The following SMYD3 variants were observed in gnomAD, a reference collection of about 807,000 sequenced individuals.
SMYD3 encodes the protein SET and MYND domain containing 3.
Under a neutral mutation model 57.7 loss-of-function variants are expected in SMYD3, and 36 were observed. That is an observed-to-expected ratio of 0.62 (90% confidence interval 0.48 to 0.82). The LOEUF (loss-of-function observed/expected upper bound fraction) is 0.82. SMYD3 is among the 40% of genes least tolerant of loss of function. The pLI is 0.00. For missense variants in SMYD3, 515 were observed against 538.8 expected (o/e 0.96, Z 0.44); for synonymous variants, 211 against 195.0 (o/e 1.08, Z -0.68).
intron 5 of SMYD3, among the ~76,000 whole-genome samples, chr1:246,178,404 CGG>C: frequency 6.6e-6 from 1 of 152,238 alleles, no homozygotes; most frequent in Non-Finnish European, 1.5e-5. Context: ...TCTCCTAGAC[CGG>C]GAGTCATTTA....
chr1:245,871,657 C>T (rs747185561), intron 8 of SMYD3, among the ~76,000 whole-genome samples: 4 of 152,236 alleles, frequency 2.6e-5, no homozygotes, highest in African/African-American at 4.8e-5. Flanking sequence ...TGAATCCCTG[C>T]TGCATATCCC....
At chr1:245,978,739 T>C (rs1424488879) in intron 5 of SMYD3, among the ~76,000 whole-genome samples, 3 of 152,160 alleles carry the variant, frequency 2.0e-5, no homozygotes, top group Non-Finnish European at 4.4e-5. Context: ...TCGTCAGCAA[T>C]GCTACCTGTG....
chr1:246,269,556 G>GTTTTTTTTTTTTTTTT (rs2064179641), intron 5 of SMYD3, among the ~76,000 whole-genome samples: 2 of 107,468 alleles, frequency 1.9e-5, no homozygotes, highest in South Asian at 3.1e-4. Context: ...TTTTTTTTTT[G>GTTTTTTTTTTTTTTTT]TTTTTGTTGT....
At chr1:246,110,201 T>C (rs767725029) in intron 5 of SMYD3, among the ~76,000 whole-genome samples, 3 of 152,168 alleles carry the variant, frequency 2.0e-5, no homozygotes, top group South Asian at 2.1e-4. Context: ...AAACCAGAAA[T>C]CAGGTTCTGT....
intron 10 of SMYD3, among the ~76,000 whole-genome samples, chr1:245,814,833 C>T (rs962820718): frequency 2.0e-5 from 3 of 151,168 alleles, no homozygotes; most frequent in Non-Finnish European, 4.4e-5. Context: ...CACGCACACA[C>T]GCACACACAT....
chr1:246,088,237 CTCTT>C (rs997418341), intron 5 of SMYD3, among the ~76,000 whole-genome samples: 1 of 152,146 alleles, frequency 6.6e-6, no homozygotes, highest in African/African-American at 2.4e-5. Context: ...CACTCTCTCT[CTCTT>C]TCTCTCTCTC....
intron 1 of SMYD3, among the ~76,000 whole-genome samples, chr1:246,381,565 C>T (rs1463343628): frequency 1.3e-5 from 2 of 152,172 alleles, no homozygotes; most frequent in Non-Finnish European, 2.9e-5. Context: ...TGAACTCAGA[C>T]TGGTCAATGT....
intron 5 of SMYD3, among the ~76,000 whole-genome samples, chr1:246,268,426 G>C (rs781103981): frequency 2.0e-5 from 3 of 152,072 alleles, no homozygotes; most frequent in Non-Finnish European, 2.9e-5. Flanking sequence ...CCGGCCAGGC[G>C]CAGTGGCTCA....
intron 5 of SMYD3, among the ~76,000 whole-genome samples, chr1:246,211,425 C>T (rs1358781140): frequency 6.6e-6 from 1 of 151,950 alleles, no homozygotes. Context: ...TGTTAAAGCT[C>T]TTGTCTTGGT....
intron 10 of SMYD3, among the ~76,000 whole-genome samples, chr1:245,764,754 T>A (rs2045997909): frequency 6.6e-6 from 1 of 152,112 alleles, no homozygotes; most frequent in Non-Finnish European, 1.5e-5. Flanking sequence ...GCGTTCTCCA[T>A]GATGTCTGAC....
At chr1:246,046,953 T>C (rs2059978201) in intron 5 of SMYD3, among the ~76,000 whole-genome samples, 1 of 151,912 alleles carries the variant, frequency 6.6e-6, no homozygotes, top group East Asian at 1.9e-4. Context: ...CAACAAAATA[T>C]ATATAAACTC....
At chr1:246,334,110 T>A (rs1272410972) in intron 3 of SMYD3, among the ~76,000 whole-genome samples, 4 of 152,078 alleles carry the variant, frequency 2.6e-5, no homozygotes, top group Non-Finnish European at 2.9e-5. Flanking sequence ...GGAACACTTA[T>A]CTACTGTTAG....
At chr1:246,309,166 A>T (rs996752539) in intron 5 of SMYD3, among the ~76,000 whole-genome samples, 3 of 151,950 alleles carry the variant, frequency 2.0e-5, no homozygotes, top group Admixed American at 6.5e-5. Context: ...AAAAAAAGTT[A>T]AAAAAAGCTT....
At chr1:245,865,023 T>G (rs564902881) in intron 8 of SMYD3, among the ~76,000 whole-genome samples, 1 of 152,354 alleles carries the variant, frequency 6.6e-6, no homozygotes, top group South Asian at 2.1e-4. Context: ...GGTTGGCCAG[T>G]GTACGTCTGG....
At chr1:246,207,990 T>C (rs1196361233) in intron 5 of SMYD3, among the ~76,000 whole-genome samples, 1 of 152,148 alleles carries the variant, frequency 6.6e-6, no homozygotes, top group East Asian at 1.9e-4. Flanking sequence ...TAAATCTACA[T>C]TCTCAAAATT....
intron 1 of SMYD3, among the ~76,000 whole-genome samples, chr1:246,496,074 G>A (rs1231592012): frequency 6.6e-6 from 1 of 151,910 alleles, no homozygotes; most frequent in Non-Finnish European, 1.5e-5. Flanking sequence ...GTCTCACTCT[G>A]TCGCCAGGCT....
chr1:246,081,424 A>G (rs1018321010), intron 5 of SMYD3, among the ~76,000 whole-genome samples: 1 of 151,832 alleles, frequency 6.6e-6, no homozygotes, highest in African/African-American at 2.4e-5. Context: ...ACAGAGTCTC[A>G]CTCTGTCACC....
chr1:245,806,514 A>T (rs1017779743), intron 10 of SMYD3, among the ~76,000 whole-genome samples: 1 of 152,070 alleles, frequency 6.6e-6, no homozygotes, highest in Non-Finnish European at 1.5e-5. Flanking sequence ...CGATACCTGA[A>T]CCCTTCCTTG....
At chr1:246,373,960 A>G (rs1045871750) in intron 1 of SMYD3, among the ~76,000 whole-genome samples, 2 of 152,168 alleles carry the variant, frequency 1.3e-5, no homozygotes, top group Non-Finnish European at 2.9e-5. Flanking sequence ...ACAAAAATAT[A>G]CTGACCCCCT....
Sources: gnomAD v4.1 joint callset for allele counts (sites outside exome capture counted in the v4.1 genomes callset) on GRCh38, gnomAD v4.1.1 for gene constraint, MANE v1.5 for transcripts, NCBI Gene and HGNC (gene_info 2026-07-23, HGNC 2026-07-21) for gene names.